MPHOSPH9: variants seen among roughly 807,000 people sequenced by gnomAD.
The protein encoded by MPHOSPH9 is M-phase phosphoprotein 9.
A neutral mutation model predicts 145.5 loss-of-function variants in MPHOSPH9; 88 were observed. That is an observed-to-expected ratio of 0.60 (90% CI 0.51 to 0.72). The LOEUF is 0.72. Among genes scored for constraint, MPHOSPH9 ranks in the 30% least tolerant of loss-of-function variants. The probability of loss-of-function intolerance (pLI) is 0.00; values close to 1 mark genes in which losing one functional copy is unlikely to be tolerated. For missense variants in MPHOSPH9, 1,238 were observed against 1,386.6 expected (o/e 0.89, Z 1.70); for synonymous variants, 435 against 486.2 (o/e 0.89, Z 1.39).
intron 6 of MPHOSPH9, among the ~76,000 whole-genome samples, chr12:123,218,155 C>CT (rs2047048577): frequency 1.3e-5 from 2 of 151,944 alleles, no homozygotes; most frequent in Non-Finnish European, 2.9e-5. Flanking sequence ...TCGCTTGAAC[C>CT]TGGGAGGCAG....
intron 15 of MPHOSPH9, among the ~76,000 whole-genome samples, chr12:123,177,887 A>G (rs1353499002): frequency 1.3e-5 from 2 of 152,262 alleles, no homozygotes; most frequent in Non-Finnish European, 2.9e-5. Flanking sequence ...TAATTTTTAA[A>G]AAGAGGCCAA....
At chr12:123,242,896 G>A (rs1879379) in intron 1 of MPHOSPH9, among the ~76,000 whole-genome samples, 79,417 of 152,044 alleles carry the variant, frequency 0.52, 24,947 homozygotes, top group East Asian at 0.7. Flanking sequence ...TCAGAAGTGC[G>A]GGGCTCATGT....
chr12:123,172,535 G>A lies in MPHOSPH9; in HGVS notation c.2456+4153C>T, dbSNP rs373062317. On this transcript the variant is annotated intron_variant, in intron 16 of 23. Transcript: ENST00000606320. ...TTTAATAGAGATGGGGTTTTGCCAT[G>A]TTGGCCAGGCTGGTCTCGAACTCCT... Among the ~76,000 whole-genome samples, 533 of 152,284 alleles carry A rather than the reference G, an allele frequency of 3.5e-3. 1 individual carries two copies. Among genetic ancestry groups the A allele is most frequent in the African/African-American group, 0.012 (516 of 41,562 alleles).
intron 13 of MPHOSPH9, among the ~76,000 whole-genome samples, chr12:123,191,544 C>A (rs1003744105): frequency 6.6e-6 from 1 of 152,146 alleles, no homozygotes; most frequent in African/African-American, 2.4e-5. Flanking sequence ...CTGCCCGCCT[C>A]GGCTGCCCAA....
intron 23 of MPHOSPH9, among the ~76,000 whole-genome samples, chr12:123,158,295 G>A (rs890182649): frequency 9.9e-5 from 15 of 151,762 alleles, no homozygotes; most frequent in African/African-American, 1.7e-4. Flanking sequence ...GCACCCAGCC[G>A]TGTATCATTT....
intron 1 of MPHOSPH9, among the ~76,000 whole-genome samples, chr12:123,232,088 G>A (rs1289778531): frequency 6.6e-6 from 1 of 151,308 alleles, no homozygotes; most frequent in African/African-American, 2.4e-5. Context: ...CATCACCCAC[G>A]ACAAATGGGG....
At position 123,203,391 on chromosome 12, in the gene MPHOSPH9, C is replaced by A; in HGVS notation, c.1195-16G>T. On this transcript the variant is annotated splice_polypyrimidine_tract_variant and intron_variant, in intron 8 of 23. Transcript: ENST00000606320. ...TAGTATTAGACTTAAAGATACGAAA[C>A]AAAATTAAATGGTGTTATCAATAAT... The A allele has an allele frequency of 6.4e-7, 1 of 1,564,292 alleles. No homozygotes were observed. The highest frequency in any genetic ancestry group is 1.2e-5 in the South Asian group (1 of 84,870).
chr12:123,157,385 A>T (rs1467605701), intron 23 of MPHOSPH9, among the ~76,000 whole-genome samples: 2 of 8,294 alleles, frequency 2.4e-4, no homozygotes, highest in African/African-American at 6.8e-4. Flanking sequence ...ACTTTTCTTA[A>T]AAAAAAAAAT....
chr12:123,195,968 G>A (rs1293454801), intron 12 of MPHOSPH9, among the ~76,000 whole-genome samples: 1 of 152,042 alleles, frequency 6.6e-6, no homozygotes, highest in East Asian at 1.9e-4. Context: ...CCAAGAGGTT[G>A]AGACTGCAGT....
At chr12:123,170,206 G>A (rs1467693178) in intron 16 of MPHOSPH9, among the ~76,000 whole-genome samples, 3 of 151,470 alleles carry the variant, frequency 2.0e-5, no homozygotes, top group South Asian at 2.1e-4. Context: ...ACAGTGGCTC[G>A]ATGTCGGCTC....
intron 17 of MPHOSPH9, among the ~76,000 whole-genome samples, chr12:123,166,134 C>A (rs970713884): frequency 2.0e-5 from 3 of 152,124 alleles, no homozygotes; most frequent in Non-Finnish European, 4.4e-5. Flanking sequence ...TAGACAAGGT[C>A]TCACTCTGTC....
chr12:123,162,782 G>A (rs895921647), intron 20 of MPHOSPH9: 7 of 405,398 alleles, frequency 1.7e-5, no homozygotes, highest in African/African-American at 1.5e-4. Flanking sequence ...AGCTGACAGG[G>A]GTGCTGAGGT....
chr12:123,165,018 A>AG (rs1159299540), intron 18 of MPHOSPH9, among the ~76,000 whole-genome samples: 1 of 147,512 alleles, frequency 6.8e-6, no homozygotes, highest in African/African-American at 2.6e-5. Context: ...ACTGTCTCAA[A>AG]AAAAAAAAAA....
chr12:123,162,079 T>C (rs1248549358), intron 21 of MPHOSPH9, 36 bp downstream of exon 21: 2 of 1,328,766 alleles, frequency 1.5e-6, no homozygotes, highest in Non-Finnish European at 1.0e-6. Flanking sequence ...AAATGAATGA[T>C]TAAAACCATA....
chr12:123,196,552 A>C (rs752952016), intron 12 of MPHOSPH9, among the ~76,000 whole-genome samples: 1 of 152,198 alleles, frequency 6.6e-6, no homozygotes, highest in Non-Finnish European at 1.5e-5. Flanking sequence ...TGGGAATGAC[A>C]TAACAAAGGT....
At chr12:123,191,337 A>G (rs894742713) in intron 13 of MPHOSPH9, among the ~76,000 whole-genome samples, 4 of 152,142 alleles carry the variant, frequency 2.6e-5, no homozygotes, top group Non-Finnish European at 5.9e-5. Flanking sequence ...ATAAAGAAAA[A>G]GAAAAAGAAA....
chr12:123,193,088 AAAAAAAAAAT>A (rs1454578205), intron 13 of MPHOSPH9, among the ~76,000 whole-genome samples: 2 of 72,020 alleles, frequency 2.8e-5, no homozygotes, highest in African/African-American at 8.0e-5. Context: ...AAAAAAAAAA[AAAAAAAAAAT>A]ATATATATAT....
At chr12:123,205,383 T>A (rs56065517) in intron 8 of MPHOSPH9, among the ~76,000 whole-genome samples, 11 of 152,206 alleles carry the variant, frequency 7.2e-5, no homozygotes, top group African/African-American at 2.6e-4. Context: ...CCATCTCTAC[T>A]AAAAACACAA....
intron 7 of MPHOSPH9, 130 bp downstream of exon 7, chr12:123,214,614 T>C: frequency 1.4e-6 from 1 of 695,798 alleles, no homozygotes; most frequent in Non-Finnish European, 2.5e-6. Context: ...ACCATACTAC[T>C]ATACAGTATC....
Sources: gnomAD v4.1 joint callset for allele counts (sites outside exome capture counted in the v4.1 genomes callset) on GRCh38, gnomAD v4.1.1 for gene constraint, MANE v1.5 for transcripts, NCBI Gene and HGNC (gene_info 2026-07-23, HGNC 2026-07-21) for gene names.